Variants in SMIM36 observed in about 807,000 individuals in gnomAD.
The protein encoded by SMIM36 is small integral membrane protein 36.
intron 1 of SMIM36, among the ~76,000 whole-genome samples, 177 bp downstream of exon 1, chr17:55,510,696 CGCACGT>C (rs1291218609): frequency 1.4e-5 from 2 of 143,216 alleles, no homozygotes; most frequent in Non-Finnish European, 2.9e-5. Flanking sequence ...ATCACACACA[CGCACGT>C]GCACGTGCAC....
intron 3 of SMIM36, among the ~76,000 whole-genome samples, chr17:55,473,670 A>C (rs920838999): frequency 6.6e-6 from 1 of 152,300 alleles, no homozygotes; most frequent in South Asian, 2.1e-4. Flanking sequence ...AGGATTGGAC[A>C]GTACTTTTAC....
chr17:55,476,724 C>T (rs1909433698), intron 3 of SMIM36, among the ~76,000 whole-genome samples: 2 of 152,124 alleles, frequency 1.3e-5, no homozygotes, highest in Non-Finnish European at 2.9e-5. Context: ...TGCCACCACA[C>T]CTGGCTAATT....
chr17:55,518,966 A>G, the SMIM36 span, among the ~76,000 whole-genome samples: 3 of 151,634 alleles, frequency 2.0e-5, no homozygotes, highest in Non-Finnish European at 4.4e-5. Context: ...TGGTGAGAAT[A>G]TGAGGTTTGT....
chr17:55,470,262 G>C (rs1260126085), intron 3 of SMIM36, among the ~76,000 whole-genome samples: 1 of 152,116 alleles, frequency 6.6e-6, no homozygotes, highest in Non-Finnish European at 1.5e-5. Context: ...GATCCCAAAG[G>C]CTCTCTGATT....
At chr17:55,468,827 T>C (rs1391453232) in intron 3 of SMIM36, among the ~76,000 whole-genome samples, 1 of 152,162 alleles carries the variant, frequency 6.6e-6, no homozygotes, top group African/African-American at 2.4e-5. Context: ...ATGTCTTCTT[T>C]TCTTCTGTAA....
intron 1 of SMIM36, among the ~76,000 whole-genome samples, chr17:55,501,529 A>G (rs1298744197): frequency 3.4e-5 from 4 of 116,094 alleles, no homozygotes; most frequent in Admixed American, 1.3e-4. Context: ...ATAATATTGT[A>G]TATAATTATA....
the SMIM36 span, among the ~76,000 whole-genome samples, chr17:55,519,994 C>CA: frequency 6.6e-6 from 1 of 152,168 alleles, no homozygotes; most frequent in African/African-American, 2.4e-5. Context: ...AGTCTGAAAT[C>CA]AGTACTACTG....
chr17:55,492,016 G>A (rs1909714913), intron 1 of SMIM36, among the ~76,000 whole-genome samples: 1 of 151,678 alleles, frequency 6.6e-6, no homozygotes, highest in Non-Finnish European at 1.5e-5. Context: ...AAAATTAGCT[G>A]GGCGTGGTGG....
At chr17:55,491,933 G>A in intron 1 of SMIM36, among the ~76,000 whole-genome samples, 1 of 152,046 alleles carries the variant, frequency 6.6e-6, no homozygotes, top group Non-Finnish European at 1.5e-5. Flanking sequence ...GCCGAGGTGG[G>A]GGAATCACGA....
exon 1 of SMIM36, chr17:55,511,306 A>G: frequency 2.5e-6 from 1 of 398,646 alleles, no homozygotes; most frequent in Non-Finnish European, 4.4e-6. Context: ...GTTCAAGGTA[A>G]CAGGGTCGAT....
intron 3 of SMIM36, among the ~76,000 whole-genome samples, chr17:55,471,193 T>C (rs1909336044): frequency 6.6e-6 from 1 of 152,212 alleles, no homozygotes. Context: ...TCACCTGGAC[T>C]GTTCTGCCCC....
At chr17:55,523,171 T>C in the SMIM36 span, among the ~76,000 whole-genome samples, 2 of 152,082 alleles carry the variant, frequency 1.3e-5, no homozygotes, top group African/African-American at 4.8e-5. Flanking sequence ...GCCATTAAGG[T>C]GTCCTTTGAA....
At chr17:55,529,549 C>CAAGGTCAGGAGA in the SMIM36 span, among the ~76,000 whole-genome samples, 1 of 151,984 alleles carries the variant, frequency 6.6e-6, no homozygotes, top group Admixed American at 6.6e-5. Flanking sequence ...GGGCAGATCA[C>CAAGGTCAGGAGA]AAGGTCAGGA....
At chr17:55,527,349 G>A in the SMIM36 span, among the ~76,000 whole-genome samples, 1 of 152,248 alleles carries the variant, frequency 6.6e-6, no homozygotes, top group East Asian at 1.9e-4. Flanking sequence ...TATGGTTTAA[G>A]TAGCAAGAAT....
At chr17:55,508,111 T>C (rs1479415661) in intron 1 of SMIM36, among the ~76,000 whole-genome samples, 3 of 152,030 alleles carry the variant, frequency 2.0e-5, no homozygotes, top group South Asian at 4.2e-4. Flanking sequence ...TGCATTAGAG[T>C]GGCCCCAACC....
At chr17:55,491,959 A>G (rs1909714038) in intron 1 of SMIM36, among the ~76,000 whole-genome samples, 1 of 152,016 alleles carries the variant, frequency 6.6e-6, no homozygotes, top group Non-Finnish European at 1.5e-5. Flanking sequence ...GTAGATCGAG[A>G]CCATCCTGGT....
chr17:55,490,556 A>T (rs2144708145), intron 1 of SMIM36, among the ~76,000 whole-genome samples: 1 of 152,288 alleles, frequency 6.6e-6, no homozygotes, highest in African/African-American at 2.4e-5. Flanking sequence ...ATGGTCTCAG[A>T]GTGAGAGTGA....
intron 1 of SMIM36, among the ~76,000 whole-genome samples, chr17:55,491,352 G>A (rs1344853291): frequency 6.6e-6 from 1 of 151,464 alleles, no homozygotes; most frequent in Admixed American, 6.6e-5. Context: ...ACTTTGAGGA[G>A]TTAATATCAT....
At position 55,508,928 on chromosome 17, in the gene SMIM36, C is replaced by CA. The variant is rs35834283; in HGVS notation, c.*174+1950dup. ...ATAAGGGCAAGGCTCTGTCTCAGAACAAAAAAAAAAAAAAAAAAAAAAGTG... is the reference window on the plus strand; with the variant it reads ...ATAAGGGCAAGGCTCTGTCTCAGAACAAAAAAAAAAAAAAAAAAAAAAAGTG... On this transcript the variant is annotated intron_variant, in intron 1 of 4. Transcript: ENST00000636752. Among the ~76,000 whole-genome samples the CA allele has an allele frequency of 8.7e-3, 844 of 97,026 alleles. 12 individuals carry two copies. The highest frequency in any genetic ancestry group is 0.022 in the African/African-American group (574 of 26,110). 63.7% of individuals were successfully genotyped at this position (97,026 alleles called of 152,430 possible).
Sources: gnomAD v4.1 joint callset for allele counts (sites outside exome capture counted in the v4.1 genomes callset) on GRCh38, gnomAD v4.1.1 for gene constraint, MANE v1.5 for transcripts, NCBI Gene and HGNC (gene_info 2026-07-23, HGNC 2026-07-21) for gene names.